IKZF1: variants seen among roughly 807,000 people sequenced by gnomAD.
IKZF1 encodes IKAROS family zinc finger 1, also known as DNA-binding protein Ikaros.
A neutral mutation model predicts 51.7 loss-of-function variants in IKZF1; 10 were observed. That is an observed-to-expected ratio of 0.19 (90% confidence interval 0.12 to 0.33). IKZF1 has a LOEUF of 0.33. Among genes scored for constraint, IKZF1 ranks in the 10% least tolerant of loss-of-function variants. IKZF1 has a pLI of 1.00. For missense variants in IKZF1, 484 were observed against 707.5 expected (o/e 0.68, Z 3.58); for synonymous variants, 280 against 282.3 (o/e 0.99, Z 0.08).
At chr7:50,306,953 C>A (rs1462230261) in intron 1 of IKZF1, among the ~76,000 whole-genome samples, 5 of 152,180 alleles carry the variant, frequency 3.3e-5, no homozygotes, top group Admixed American at 3.3e-4. Context: ...TTAACAGATA[C>A]ATGAAATAAA....
intron 7 of IKZF1, among the ~76,000 whole-genome samples, chr7:50,398,786 C>T (rs903710003): frequency 6.6e-6 from 1 of 152,224 alleles, no homozygotes; most frequent in Non-Finnish European, 1.5e-5. Context: ...TGTGCTTTGA[C>T]TCATTAATGT....
At chr7:50,312,783 C>G (rs1356970715) in intron 1 of IKZF1, among the ~76,000 whole-genome samples, 1 of 152,112 alleles carries the variant, frequency 6.6e-6, no homozygotes, top group Non-Finnish European at 1.5e-5. Context: ...GCTGATTTGC[C>G]CTCAAAAAGT....
chr7:50,326,716 T>G (rs962415554), intron 2 of IKZF1, among the ~76,000 whole-genome samples: 3 of 152,248 alleles, frequency 2.0e-5, no homozygotes, highest in African/African-American at 7.2e-5. Context: ...ATTTTTGTAT[T>G]TGTGTGGATT....
chr7:50,353,397 G>T (rs1253817041), intron 3 of IKZF1, among the ~76,000 whole-genome samples: 1 of 152,242 alleles, frequency 6.6e-6, no homozygotes, highest in East Asian at 1.9e-4. Flanking sequence ...AGGTCTGGAA[G>T]CCACCTGCGC....
intron 7 of IKZF1, among the ~76,000 whole-genome samples, chr7:50,392,976 T>C (rs1265301810): frequency 6.6e-6 from 1 of 152,162 alleles, no homozygotes. Context: ...TGCCACAGGA[T>C]GAATGGCTTC....
chr7:50,402,902 G>A lies in IKZF1; in HGVS notation c.*2275G>A, dbSNP rs948475069. The A allele has an allele frequency of 3.1e-5, 7 of 229,134 alleles. No homozygotes were observed. Among genetic ancestry groups the A allele is most frequent in the African/African-American group, 8.9e-5 (4 of 45,110 alleles). The allele number at this position is 229,134 out of a possible 1,614,324, so 14.2% of individuals were successfully genotyped here. A position where few individuals can be genotyped will look rare whatever the true frequency, so the allele number is the denominator to read the frequency against. ...AATATGCAATCACAGAGAAAGATGC[G>A]CCTTATCCAAGTTAATATCTCTAAG... On this transcript the variant is annotated 3_prime_UTR_variant, in exon 8 of 8. Coordinates refer to ENST00000331340, the MANE Select transcript of IKZF1 (RefSeq NM_006060.6).
rs182239124 is a variant in IKZF1, at chr7:50,371,264, A to G, written c.161-5269A>G. On this transcript the variant is annotated intron_variant, in intron 3 of 7. Transcript: ENST00000331340. ...TGCTCAGCTTCAGTAAGTGCCAGTC[A>G]TTCCTTCCCAACCTCCTCCTTCATT... Among the ~76,000 whole-genome samples, 26 of 152,310 alleles carry G rather than the reference A, an allele frequency of 1.7e-4. No homozygotes were observed. In the East Asian group the frequency reaches 4.4e-3, roughly 26 times the overall value.
intron 1 of IKZF1, among the ~76,000 whole-genome samples, chr7:50,307,894 CA>C (rs1362333979): frequency 2.0e-5 from 3 of 152,178 alleles, no homozygotes; most frequent in African/African-American, 4.8e-5. Context: ...AGGATATCGA[CA>C]GTAACAAAGC....
intron 1 of IKZF1, among the ~76,000 whole-genome samples, chr7:50,316,110 A>T (rs1289856457): frequency 6.6e-6 from 1 of 152,104 alleles, no homozygotes; most frequent in Non-Finnish European, 1.5e-5. Context: ...TTTCATCTCA[A>T]GAGATGCAAG....
intron 3 of IKZF1, among the ~76,000 whole-genome samples, chr7:50,341,120 A>G (rs1484112556): frequency 6.8e-6 from 1 of 147,204 alleles, no homozygotes; most frequent in Non-Finnish European, 1.5e-5. Flanking sequence ...GCCTGCACAC[A>G]TATTTTAAAT....
At chr7:50,382,420 T>C in intron 4 of IKZF1, 120 bp from the exon 5 acceptor site, 2 of 1,380,564 alleles carry the variant, frequency 1.4e-6, no homozygotes, top group Non-Finnish European at 9.6e-7. Context: ...CCTCATGTTC[T>C]ATCAAACCTG....
At chr7:50,303,641 C>A (rs1456668418), upstream of IKZF1, among the ~76,000 whole-genome samples, 1 of 152,066 alleles carries the variant, frequency 6.6e-6, no homozygotes, top group Admixed American at 6.5e-5. This position sits in a 1 kb window ranked among gnomAD's most constrained non-coding sequence, Gnocchi z 4.7. Flanking sequence ...ATCCTGGGGC[C>A]GGAGCCTGAA....
In IKZF1 at chr7:50,382,634, C is replaced by A. The variant is rs1408237812; in HGVS notation, c.516C>A (p.Pro172=). 2 of 1,613,486 alleles carry A rather than the reference C, an allele frequency of 1.2e-6. No individual in the cohort carries two copies. The highest frequency in any genetic ancestry group is 1.7e-6 in the Non-Finnish European group (2 of 1,179,870). Residue 172 remains proline, a synonymous_variant, in exon 5 of 8, where the codon CCC becomes CCA. Transcript: ENST00000331340. ...RHIKLHSGEK[P]FKCHLCNYAC... ...TCAAGCTGCATTCCGGGGAGAAGCCCTTCAAATGCCACCTCTGCAACTACG... is the reference window on the plus strand; with the variant it reads ...TCAAGCTGCATTCCGGGGAGAAGCCATTCAAATGCCACCTCTGCAACTACG...
At chr7:50,374,459 C>T (rs1413865234) in intron 3 of IKZF1, among the ~76,000 whole-genome samples, 1 of 152,176 alleles carries the variant, frequency 6.6e-6, no homozygotes, top group Non-Finnish European at 1.5e-5. Context: ...CTGCCACTTG[C>T]CAGCTATGTG....
intron 3 of IKZF1, 61 bp downstream of exon 3, chr7:50,327,818 A>G: frequency 6.7e-7 from 1 of 1,500,250 alleles, no homozygotes; most frequent in Non-Finnish European, 8.9e-7. Flanking sequence ...TATTTTTCCA[A>G]GACAGTGATG....
chr7:50,349,686 G>A (rs1459135148), intron 3 of IKZF1, among the ~76,000 whole-genome samples: 1 of 152,136 alleles, frequency 6.6e-6, no homozygotes, highest in East Asian at 1.9e-4. Flanking sequence ...TGGGGGTGAT[G>A]GGGAATGGGT....
At chr7:50,395,815 G>A (rs950563619) in intron 7 of IKZF1, among the ~76,000 whole-genome samples, 8 of 152,158 alleles carry the variant, frequency 5.3e-5, no homozygotes, top group African/African-American at 1.9e-4. Context: ...TTGGCCTGTT[G>A]CCTTTGTATT....
At position 50,403,174 on chromosome 7, in the gene IKZF1, A is replaced by G. The variant is rs184373656; in HGVS notation, c.*2547A>G. On this transcript the variant is annotated 3_prime_UTR_variant, in exon 8 of 8. Transcript: ENST00000331340. Reference sequence around the variant, plus strand: ...ACCTTTTGTTGTGGTTTTATATTGTAACACCATTTTTCTTTGAAACTATTG... The same window carrying G: ...ACCTTTTGTTGTGGTTTTATATTGTGACACCATTTTTCTTTGAAACTATTG... 1 of 220,014 alleles carries G rather than the reference A, an allele frequency of 4.5e-6. No individual in the cohort carries two copies. The highest frequency in any genetic ancestry group is 9.1e-6 in the Non-Finnish European group (1 of 109,856). The allele number at this position is 220,014 out of a possible 1,614,324, so 13.6% of individuals were successfully genotyped here.
At chr7:50,395,782 TC>T (rs1324008189) in intron 7 of IKZF1, among the ~76,000 whole-genome samples, 6 of 152,232 alleles carry the variant, frequency 3.9e-5, no homozygotes, top group Admixed American at 3.3e-4. Flanking sequence ...TCTATTTCTA[TC>T]ATTGTATTGT....
Sources: gnomAD v4.1 joint callset for allele counts (sites outside exome capture counted in the v4.1 genomes callset) on GRCh38, gnomAD v4.1.1 for gene constraint, Gnocchi (gnomAD v3.1) non-coding constraint, MANE v1.5 for transcripts, NCBI Gene and HGNC (gene_info 2026-07-23, HGNC 2026-07-21) for gene names.